KANK1: variants seen among roughly 807,000 people sequenced by gnomAD.
KANK1 encodes the protein KN motif and ankyrin repeat domains 1.
Under a neutral mutation model 106.2 loss-of-function variants are expected in KANK1, and 109 were observed. The ratio of observed to expected loss-of-function variants is 1.03; its 90% CI spans 0.88 to 1.20. The LOEUF (loss-of-function observed/expected upper bound fraction) is 1.20, where lower values mean the gene tolerates loss of function less well. KANK1 is among the 50% of genes most tolerant of loss of function. KANK1 has a pLI of 0.00. For missense variants in KANK1, 2,399 were observed against 1,710.7 expected, an observed-to-expected ratio of 1.40 and a Z score of -7.10; for synonymous variants, 873 against 652.2, an observed-to-expected ratio of 1.34 and a Z score of -5.16.
At chr9:551,815 AG>A (rs2061299759) in intron 1 of KANK1, among the ~76,000 whole-genome samples, 1 of 152,016 alleles carries the variant, frequency 6.6e-6, no homozygotes, top group Non-Finnish European at 1.5e-5. Context: ...TGAGAGGCCA[AG>A]GCAGGAGGAT....
intron 1 of KANK1, among the ~76,000 whole-genome samples, chr9:660,674 G>T (rs1843091230): frequency 1.3e-5 from 2 of 152,106 alleles, no homozygotes; most frequent in South Asian, 4.1e-4. Context: ...AGAGTTCCCT[G>T]CCCTAAGAGA....
chr9:628,513 C>G (rs1311166240), intron 1 of KANK1, among the ~76,000 whole-genome samples: 1 of 152,198 alleles, frequency 6.6e-6, no homozygotes, highest in Non-Finnish European at 1.5e-5. Context: ...TCTTCAGTGT[C>G]TGCCTCTGCT....
At chr9:616,181 C>A (rs1454422823) in intron 1 of KANK1, among the ~76,000 whole-genome samples, 1 of 152,164 alleles carries the variant, frequency 6.6e-6, no homozygotes, top group Non-Finnish European at 1.5e-5. Flanking sequence ...AACTTAGGAA[C>A]TGGCTTGGGT....
At chr9:606,268 C>T (rs555987692) in intron 1 of KANK1, among the ~76,000 whole-genome samples, 1 of 149,806 alleles carries the variant, frequency 6.7e-6, no homozygotes, top group African/African-American at 2.5e-5. Context: ...TTTAGAAGGG[C>T]TGGGGGTGGT....
chr9:712,860 T>C lies in KANK1; in HGVS notation c.2094T>C (p.Thr698=). 1 of 1,612,768 alleles carries C rather than the reference T, an allele frequency of 6.2e-7. No individual in the cohort carries two copies. The highest frequency in any genetic ancestry group is 1.1e-5 in the South Asian group (1 of 91,000). The change falls in exon 3 of 12, where the codon ACT becomes ACC. Residue 698 remains threonine, a synonymous_variant. Transcript: ENST00000382297. ...CCCTCATAGAGTCCTGCACCAACAC[T>C]TGTCTAAGCACTTTGGACAAGCAGA... ...TATLIESCTN[T]CLSTLDKQTS...
chr9:581,209 G>C (rs1398738991), intron 1 of KANK1, among the ~76,000 whole-genome samples: 1 of 152,230 alleles, frequency 6.6e-6, no homozygotes, highest in Non-Finnish European at 1.5e-5. Flanking sequence ...GGCCAGCCCA[G>C]AGAGGGGCTC....
At chr9:633,911 A>G (rs6477053) in intron 1 of KANK1, among the ~76,000 whole-genome samples, 36,039 of 152,174 alleles carry the variant, frequency 0.24, 4,318 homozygotes, top group East Asian at 0.34. Context: ...TCAGCCTCCC[A>G]CAGTGCTGGG....
intron 3 of KANK1, among the ~76,000 whole-genome samples, chr9:714,986 C>G (rs1450431713): frequency 2.0e-5 from 3 of 152,164 alleles, no homozygotes; most frequent in Non-Finnish European, 4.4e-5. Flanking sequence ...AGACTTAAGC[C>G]ATCCACAGAA....
At chr9:648,280 G>C (rs1178751439) in intron 1 of KANK1, among the ~76,000 whole-genome samples, 1 of 151,992 alleles carries the variant, frequency 6.6e-6, no homozygotes, top group Non-Finnish European at 1.5e-5. Flanking sequence ...GAGATTACAG[G>C]CGTGAGCCAC....
In KANK1 at chr9:665,248, A is replaced by G. The variant is rs565846912; in HGVS notation, c.-83-11642A>G. Among the ~76,000 whole-genome samples the G allele has an allele frequency of 2.6e-5, 4 of 152,252 alleles. No individual in the cohort carries two copies. The South Asian group carries it at 6.2e-4, about 24-fold the overall frequency. ...AAACAAAAAATTTTTGCCCAGACCA[A>G]TGTCCTGGAGCATTTCCCCAATGTT... is the stretch of plus-strand genomic sequence containing the variant. On this transcript the variant is annotated intron_variant, in intron 1 of 11. Coordinates refer to ENST00000382297, the MANE Select transcript of KANK1 (RefSeq NM_015158.5).
intron 1 of KANK1, among the ~76,000 whole-genome samples, chr9:639,613 G>C (rs1211744001): frequency 6.6e-6 from 1 of 152,110 alleles, no homozygotes; most frequent in African/African-American, 2.4e-5. Context: ...CACTGCGCCT[G>C]GCCTGATCTT....
At chr9:692,295 T>A (rs765613761) in intron 2 of KANK1, among the ~76,000 whole-genome samples, 5 of 152,102 alleles carry the variant, frequency 3.3e-5, no homozygotes, top group Non-Finnish European at 7.3e-5. Context: ...CTTTCCTGTG[T>A]GAAGACACAA....
At chr9:616,316 C>T (rs537688536) in intron 1 of KANK1, among the ~76,000 whole-genome samples, 4 of 152,238 alleles carry the variant, frequency 2.6e-5, no homozygotes, top group Admixed American at 6.5e-5. Flanking sequence ...TGTATCAACT[C>T]GTGTCTGAAG....
chr9:701,809 C>G (rs967715862), intron 2 of KANK1, among the ~76,000 whole-genome samples: 6 of 152,156 alleles, frequency 3.9e-5, no homozygotes, highest in East Asian at 1.9e-4. Context: ...TTATGTCTTT[C>G]AAAACCATGT....
chr9:741,969 G>A (rs1215807334), intron 9 of KANK1, among the ~76,000 whole-genome samples: 3 of 152,284 alleles, frequency 2.0e-5, no homozygotes, highest in African/African-American at 4.8e-5. Flanking sequence ...TTACTCTACT[G>A]AGACATCCTC....
At chr9:535,868 A>G (rs1369479281) in intron 1 of KANK1, among the ~76,000 whole-genome samples, 1 of 152,218 alleles carries the variant, frequency 6.6e-6, no homozygotes, top group Non-Finnish European at 1.5e-5. Context: ...GGTCTGTTCA[A>G]GGCAACGTAA....
At chr9:636,493 G>C (rs1014386949) in intron 1 of KANK1, among the ~76,000 whole-genome samples, 4 of 152,098 alleles carry the variant, frequency 2.6e-5, no homozygotes, top group African/African-American at 9.7e-5. Context: ...AGATCATGGA[G>C]GCTCAGTCAG....
intron 1 of KANK1, among the ~76,000 whole-genome samples, chr9:567,557 G>C (rs1818109527): frequency 4.6e-5 from 7 of 152,226 alleles, no homozygotes; most frequent in Admixed American, 4.6e-4. Flanking sequence ...TGCAAAAGCA[G>C]TTTCACTTCC....
upstream of KANK1, among the ~76,000 whole-genome samples, chr9:503,796 C>T (rs1258058750): frequency 6.6e-6 from 1 of 152,210 alleles, no homozygotes; most frequent in African/African-American, 2.4e-5. Context: ...CTTCTCAATC[C>T]CTACTAATTT....
Sources: allele counts gnomAD v4.1 joint callset (sites outside exome capture counted in the v4.1 genomes callset), GRCh38; gene constraint gnomAD v4.1.1; transcripts MANE v1.5; gene names NCBI Gene and HGNC (gene_info 2026-07-23, HGNC 2026-07-21).